Variants in GBF1 observed in about 807,000 individuals in gnomAD.
The protein encoded by GBF1 is golgi brefeldin A resistant guanine nucleotide exchange factor 1.
A neutral mutation model predicts 210.5 loss-of-function variants in GBF1; 114 were observed. That is an observed-to-expected ratio of 0.54 (90% CI 0.47 to 0.63). GBF1 has a LOEUF of 0.63. GBF1 is among the 30% of genes least tolerant of loss of function. GBF1 has a pLI of 0.00. For synonymous variants in GBF1, 850 were observed against 889.2 expected, an observed-to-expected ratio of 0.96 and a Z score of 0.78; for missense variants, 1,851 against 2,357.7, an observed-to-expected ratio of 0.79 and a Z score of 4.45.
Position 102,382,515 on chromosome 10 carries a change from TG to T in GBF1, c.*182del. On this transcript the variant is annotated 3_prime_UTR_variant, in exon 40 of 40. Transcript: ENST00000369983. ...CCCAGCTAAGACCCCCAATCAGCTG[TG>T]GGACCTTTTTCCTCCTCTGCGCTCC... 1 of 571,632 alleles carries T rather than the reference TG, an allele frequency of 1.7e-6. No individual in the cohort carries two copies. Among genetic ancestry groups the T allele is most frequent in the Non-Finnish European group, 3.0e-6 (1 of 329,796 alleles). The allele number at this position is 571,632 out of a possible 1,614,324, so 35.4% of individuals were successfully genotyped here.
intron 3 of GBF1, among the ~76,000 whole-genome samples, chr10:102,276,993 T>C (rs973716848): frequency 2.3e-4 from 33 of 144,812 alleles, no homozygotes; most frequent in African/African-American, 5.3e-4. Context: ...CACACACACA[T>C]GCACACACGT....
At chr10:102,306,714 G>A (rs1034201384) in intron 3 of GBF1, among the ~76,000 whole-genome samples, 17 of 152,220 alleles carry the variant, frequency 1.1e-4, no homozygotes, top group African/African-American at 3.4e-4. Context: ...GTGAGCCACC[G>A]CACCCAGCCG....
chr10:102,381,740 G>T (rs893385890), intron 39 of GBF1, among the ~76,000 whole-genome samples: 2 of 144,942 alleles, frequency 1.4e-5, no homozygotes, highest in Non-Finnish European at 3.0e-5. Flanking sequence ...TGGAAGGATC[G>T]CTTGAACCCG....
chr10:102,333,592 A>C (rs573300002), intron 3 of GBF1, among the ~76,000 whole-genome samples: 1 of 151,936 alleles, frequency 6.6e-6, no homozygotes, highest in African/African-American at 2.4e-5. Flanking sequence ...ATGCCTGGCT[A>C]ATTTTTTCAT....
At chr10:102,380,228 A>T (rs1424571261) in intron 36 of GBF1, 21 bp from the exon 37 acceptor site, 1 of 1,526,624 alleles carries the variant, frequency 6.6e-7, no homozygotes, top group South Asian at 1.1e-5. Flanking sequence ...CCCTCAGCTG[A>T]AGGGGGCTGG....
intron 3 of GBF1, among the ~76,000 whole-genome samples, chr10:102,307,615 C>G (rs1223323686): frequency 6.6e-6 from 1 of 151,918 alleles, no homozygotes; most frequent in East Asian, 1.9e-4. Context: ...ACAGGGAAAC[C>G]CCATCTCTAC....
Position 102,359,281 on chromosome 10 carries a change from T to C in GBF1, c.1026T>C (p.His342=). The change falls in exon 11 of 40, where the codon CAT becomes CAC. Residue 342 remains histidine, a synonymous_variant. Transcript: ENST00000369983. ...ACTGGTCATAGCAGGAAGGGACCCA[T>C]GTGGAAAAGTCCCAGTCAGCATCTG... is the stretch of plus-strand genomic sequence containing the variant. ...EQPDLQQEGT[H]VEKSQSASVE... 6.2e-7 allele frequency: 1 copy of C among 1,611,884 alleles called. No homozygotes were observed. The highest frequency in any genetic ancestry group is 8.5e-7 in the Non-Finnish European group (1 of 1,178,046).
chr10:102,372,512 A>T (rs1267060543), intron 29 of GBF1, among the ~76,000 whole-genome samples: 1 of 152,208 alleles, frequency 6.6e-6, no homozygotes, highest in Non-Finnish European at 1.5e-5. Flanking sequence ...TCTGTCTCAA[A>T]AAAAAGACTT....
At position 102,267,465 on chromosome 10, in the gene GBF1, C is replaced by T. The variant is rs112279398; in HGVS notation, c.163+7349C>T. ...ATTGCAGTGAGCTGAGATCGTGCCA[C>T]TGCACTCCAGCCTGGGTGGCAGATC... On this transcript the variant is annotated intron_variant, in intron 3 of 39. Transcript: ENST00000369983. Among the ~76,000 whole-genome samples, 8 of 152,276 alleles carry T rather than the reference C, an allele frequency of 5.3e-5. 1 individual carries two copies. Among genetic ancestry groups the T allele is most frequent in the African/African-American group, 1.9e-4 (8 of 41,542 alleles).
At chr10:102,246,590 T>C (rs72845640) in intron 1 of GBF1, among the ~76,000 whole-genome samples, 4,698 of 152,316 alleles carry the variant, frequency 0.031, 122 homozygotes, top group Non-Finnish European at 0.051. Flanking sequence ...CAAAGTTTGG[T>C]ATTGTCGGCC....
intron 3 of GBF1, among the ~76,000 whole-genome samples, chr10:102,273,532 T>TTC (rs1223986847): frequency 1.3e-5 from 2 of 152,190 alleles, no homozygotes; most frequent in African/African-American, 4.8e-5. Flanking sequence ...TGTACTCCTG[T>TTC]TCTAGCACTG....
chr10:102,353,280 C>T (rs1344225915), intron 7 of GBF1, among the ~76,000 whole-genome samples: 1 of 152,050 alleles, frequency 6.6e-6, no homozygotes, highest in East Asian at 1.9e-4. Flanking sequence ...GACTGCCCTC[C>T]CCCCATCTCT....
In GBF1 at chr10:102,370,154, C is replaced by G. The variant is rs2060126505; in HGVS notation, c.3340-20C>G. On this transcript the variant is annotated intron_variant, in intron 26 of 39. Coordinates refer to ENST00000369983, the MANE Select transcript of GBF1 (RefSeq NM_001377137.1). ...CTTCAGCCTTTGTCAAAGACCCCCT[C>G]TCTCTTTTGCCCTCTCTAGCAATGT... The G allele has an allele frequency of 1.3e-6, 2 of 1,595,520 alleles. No homozygotes were observed. The highest frequency in any genetic ancestry group is 1.7e-6 in the Non-Finnish European group (2 of 1,163,186).
chr10:102,280,358 AG>A (rs1350585989), intron 3 of GBF1, among the ~76,000 whole-genome samples: 2 of 152,078 alleles, frequency 1.3e-5, no homozygotes, highest in African/African-American at 2.4e-5. Context: ...ATGTTCTATG[AG>A]ATAGGATGAG....
chr10:102,357,010 A>G (rs1284773798), intron 8 of GBF1, among the ~76,000 whole-genome samples: 2 of 152,158 alleles, frequency 1.3e-5, no homozygotes, highest in Admixed American at 6.5e-5. Context: ...GGAAAGACCA[A>G]TAGTGAGAGG....
intron 3 of GBF1, among the ~76,000 whole-genome samples, chr10:102,301,456 G>A (rs2077341371): frequency 6.6e-6 from 1 of 152,104 alleles, no homozygotes; most frequent in Admixed American, 6.6e-5. Flanking sequence ...CGACAAAACC[G>A]CCATCGTCAT....
In GBF1 at chr10:102,376,322, C is replaced by G. The variant is rs1229984313; in HGVS notation, c.3937C>G (p.Leu1313Val). Reference sequence around the variant, plus strand: ...ATCCTACCATCAGAATGACGTGAGCCTGGATCGAGGGTACACTTCCGACTC... The same window carrying G: ...ATCCTACCATCAGAATGACGTGAGCGTGGATCGAGGGTACACTTCCGACTC... Reference protein sequence around the residue: ...LPSYHQNDVSLDRGYTSDSEV... With the variant: ...LPSYHQNDVSVDRGYTSDSEV... Residue 1313 changes from leucine (L) to valine (V), a missense_variant, in exon 31 of 40, where the codon CTG becomes GTG. Transcript: ENST00000369983. 2.5e-6 allele frequency: 4 copies of G among 1,613,880 alleles called. No homozygotes were observed. The highest frequency in any genetic ancestry group is 3.4e-6 in the Non-Finnish European group (4 of 1,179,894).
chr10:102,347,603 G>A (rs911626916), intron 4 of GBF1, among the ~76,000 whole-genome samples: 3 of 152,194 alleles, frequency 2.0e-5, no homozygotes, highest in African/African-American at 7.2e-5. Context: ...ATTGCAGTGG[G>A]CATGAGAAAA....
Position 102,377,009 on chromosome 10 carries a change from A to G in GBF1, c.4363A>G (p.Lys1455Glu). The change falls in exon 33 of 40, where the codon AAA becomes GAA. Residue 1455 changes from lysine to glutamate, a missense_variant. Transcript: ENST00000369983. ...SKGNRFKKKS[K>E]EGSMLRRPRT... is the part of the protein sequence containing the mutation. ...AGGGAACCGCTTCAAGAAGAAATCCAAAGAGGGATCAATGCTTCGCCGGCC... is the reference window on the plus strand; with the variant it reads ...AGGGAACCGCTTCAAGAAGAAATCCGAAGAGGGATCAATGCTTCGCCGGCC... The G allele has an allele frequency of 6.2e-7, 1 of 1,614,194 alleles. No homozygotes were observed. The highest frequency in any genetic ancestry group is 8.5e-7 in the Non-Finnish European group (1 of 1,180,012).
Sources: gnomAD v4.1 joint callset for allele counts (sites outside exome capture counted in the v4.1 genomes callset) on GRCh38, gnomAD v4.1.1 for gene constraint, MANE v1.5 for transcripts, NCBI Gene and HGNC (gene_info 2026-07-23, HGNC 2026-07-21) for gene names.